Variants in GALNT2 observed in about 807,000 individuals in gnomAD.
The protein encoded by GALNT2 is UDP-GalNAc:polypeptide N-acetylgalactosaminyltransferase 2.
A neutral mutation model predicts 81.4 loss-of-function variants in GALNT2; 31 were observed. The observed-to-expected ratio is 0.38, with a 90% CI of 0.29 to 0.51. The LOEUF (loss-of-function observed/expected upper bound fraction) is 0.51. GALNT2 is among the 20% of genes least tolerant of loss of function. The pLI is 0.87. For synonymous variants in GALNT2, 303 were observed against 287.4 expected (o/e 1.05, Z -0.55); for missense variants, 629 against 765.7 (o/e 0.82, Z 2.11).
intron 1 of GALNT2, among the ~76,000 whole-genome samples, chr1:230,110,846 C>T (rs971197084): frequency 2.0e-5 from 3 of 151,372 alleles, no homozygotes; most frequent in African/African-American, 4.9e-5. Flanking sequence ...ACTGGGGAGG[C>T]GTGGAGTATA....
At chr1:230,090,155 C>G (rs1021896355) in intron 1 of GALNT2, among the ~76,000 whole-genome samples, 3 of 151,996 alleles carry the variant, frequency 2.0e-5, no homozygotes, top group Non-Finnish European at 4.4e-5. Flanking sequence ...AAAGTTTGAC[C>G]CCATATGTGG....
At chr1:230,131,853 G>A (rs1571999238) in intron 1 of GALNT2, among the ~76,000 whole-genome samples, 4 of 152,308 alleles carry the variant, frequency 2.6e-5, no homozygotes, top group East Asian at 1.9e-4. Flanking sequence ...GACAAACTGC[G>A]TCTGCCACCC....
chr1:230,162,114 A>G (rs1662454555), intron 1 of GALNT2, among the ~76,000 whole-genome samples: 1 of 152,196 alleles, frequency 6.6e-6, no homozygotes. Flanking sequence ...ACAAGCTTGT[A>G]TAGACGTGAA....
chr1:230,133,807 T>A (rs1005215984), intron 1 of GALNT2, among the ~76,000 whole-genome samples: 8 of 152,224 alleles, frequency 5.3e-5, no homozygotes, highest in Non-Finnish European at 1.0e-4. Flanking sequence ...ATGTGTTACC[T>A]GATCCCGTAG....
Position 230,178,214 on chromosome 1 carries a change from C to T in GALNT2, c.127-4C>T. 6.2e-7 allele frequency: 1 copy of T among 1,610,466 alleles called. No individual in the cohort carries two copies. Among genetic ancestry groups the T allele is most frequent in the Non-Finnish European group, 8.5e-7 (1 of 1,177,044 alleles). On this transcript the variant is annotated splice_polypyrimidine_tract_variant and splice_region_variant and intron_variant, in intron 1 of 15. Coordinates refer to ENST00000366672, the MANE Select transcript of GALNT2 (RefSeq NM_004481.5). ...CAACTCATTCAGTGTCTTTGTTCCC[C>T]TAGGAGGACTGGAATGAAATTGACC...
intron 3 of GALNT2, among the ~76,000 whole-genome samples, chr1:230,214,748 A>G (rs1664336804): frequency 6.6e-6 from 1 of 152,160 alleles, no homozygotes; most frequent in East Asian, 1.9e-4. Flanking sequence ...CTGAGACCCT[A>G]ATTTCATCTT....
chr1:230,274,405 G>C, intron 14 of GALNT2, 40 bp from the exon 15 acceptor site: 1 of 1,601,186 alleles, frequency 6.2e-7, no homozygotes, highest in East Asian at 2.3e-5. Flanking sequence ...TTCACAGCCC[G>C]GTGCATAGCA....
chr1:230,129,015 G>A (rs1400899588), intron 1 of GALNT2, among the ~76,000 whole-genome samples: 1 of 152,246 alleles, frequency 6.6e-6, no homozygotes, highest in African/African-American at 2.4e-5. Context: ...CACTTGTGAA[G>A]CACACACCCT....
upstream of GALNT2, among the ~76,000 whole-genome samples, chr1:230,062,863 A>G (rs1458682531): frequency 6.6e-6 from 1 of 152,100 alleles, no homozygotes; most frequent in South Asian, 2.1e-4. Context: ...CAATTCCTTT[A>G]TGTATACAAC....
chr1:230,076,631 G>T (rs113605851), intron 1 of GALNT2, among the ~76,000 whole-genome samples: 94 of 152,274 alleles, frequency 6.2e-4, no homozygotes, highest in African/African-American at 2.0e-3. Flanking sequence ...TCTCAGGGAG[G>T]CGGAACTGTG....
At chr1:230,168,799 A>G (rs1662697403) in intron 1 of GALNT2, among the ~76,000 whole-genome samples, 1 of 152,210 alleles carries the variant, frequency 6.6e-6, no homozygotes, top group South Asian at 2.1e-4. Flanking sequence ...ATCTTACATC[A>G]GTATGATTCA....
intron 1 of GALNT2, among the ~76,000 whole-genome samples, chr1:230,136,079 T>C (rs1661529388): frequency 6.6e-6 from 1 of 152,144 alleles, no homozygotes; most frequent in Non-Finnish European, 1.5e-5. Flanking sequence ...GAGAATTGAA[T>C]GAGCTGCATG....
chr1:230,072,993 C>T (rs1177701704), intron 1 of GALNT2, among the ~76,000 whole-genome samples: 1 of 152,218 alleles, frequency 6.6e-6, no homozygotes, highest in African/African-American at 2.4e-5. Flanking sequence ...GTTGAGAGTT[C>T]TGGTTCCACC....
chr1:230,256,690 T>C (rs1380149741), intron 11 of GALNT2, among the ~76,000 whole-genome samples: 1 of 152,224 alleles, frequency 6.6e-6, no homozygotes, highest in African/African-American at 2.4e-5. Context: ...ATAGCCGTTC[T>C]ATCAAGCCAA....
At chr1:230,158,657 T>C (rs1662334998) in intron 1 of GALNT2, among the ~76,000 whole-genome samples, 2 of 152,134 alleles carry the variant, frequency 1.3e-5, no homozygotes, top group African/African-American at 4.8e-5. Context: ...CAAAGTGTCT[T>C]GTAAGTGTTC....
At chr1:230,180,684 A>T (rs1015981147) in intron 2 of GALNT2, among the ~76,000 whole-genome samples, 4 of 152,198 alleles carry the variant, frequency 2.6e-5, no homozygotes, top group Admixed American at 2.6e-4. Context: ...ATTGCATTGA[A>T]TCTATAGATC....
intron 1 of GALNT2, among the ~76,000 whole-genome samples, chr1:230,141,916 A>G (rs1449773470): frequency 6.6e-6 from 1 of 150,566 alleles, no homozygotes; most frequent in Non-Finnish European, 1.5e-5. Context: ...CCTCCCAAGT[A>G]GCTAGGATGA....
chr1:230,085,173 C>T lies in GALNT2; in HGVS notation c.126+17767C>T, dbSNP rs117854333. ...ATTATTAACTCTCCTTTCACCACTG[C>T]GGATGGCAGACATACCTGACGGCAA... On this transcript the variant is annotated intron_variant, in intron 1 of 15. Transcript: ENST00000366672. 3.2e-3 allele frequency among the ~76,000 whole-genome samples: 494 copies of T among 152,240 alleles called. 3 individuals are homozygous for T. The highest frequency in any genetic ancestry group is 0.026 in the East Asian group (135 of 5,172).
At chr1:230,108,006 T>G (rs1374318850) in intron 1 of GALNT2, among the ~76,000 whole-genome samples, 1 of 152,138 alleles carries the variant, frequency 6.6e-6, no homozygotes. Context: ...TAAAATGCTG[T>G]GAAAGGGGTC....
Sources: gnomAD v4.1 joint callset for allele counts (sites outside exome capture counted in the v4.1 genomes callset) on GRCh38, gnomAD v4.1.1 for gene constraint, MANE v1.5 for transcripts, NCBI Gene and HGNC (gene_info 2026-07-23, HGNC 2026-07-21) for gene names.